Variants in RHOT1 observed in about 807,000 individuals in gnomAD.
RHOT1 encodes mitochondrial Rho GTPase 1.
Under a neutral mutation model 95.3 loss-of-function variants are expected in RHOT1, and 27 were observed. The ratio of observed to expected loss-of-function variants is 0.28; its 90% CI spans 0.21 to 0.39. The LOEUF is 0.39. Ranked by LOEUF, RHOT1 falls within the 10% of genes least tolerant of loss-of-function variation. The pLI is 1.00. For synonymous variants in RHOT1, 227 were observed against 263.5 expected, an observed-to-expected ratio of 0.86 and a Z score of 1.34; for missense variants, 578 against 786.7, an observed-to-expected ratio of 0.73 and a Z score of 3.17.
chr17:32,142,739 C>T lies in RHOT1; in HGVS notation c.37+10C>T. On this transcript the variant is annotated intron_variant, in intron 1 of 19. Coordinates refer to ENST00000545287, the MANE Select transcript of RHOT1 (RefSeq NM_001033566.3). ...CTGCTGGTGGGAGAACGTGAGTCCG[C>T]ACCCTCTGGCCGGCCCCTGAGTCCC... The T allele has an allele frequency of 6.6e-7, 1 of 1,509,124 alleles. No individual in the cohort carries two copies. Among genetic ancestry groups the T allele is most frequent in the Non-Finnish European group, 8.8e-7 (1 of 1,130,440 alleles). The allele number at this position is 1,509,124 out of a possible 1,614,324, so 93.5% of individuals were successfully genotyped here. A position where few individuals can be genotyped will look rare whatever the true frequency, so the allele number is the denominator to read the frequency against.
At chr17:32,170,934 G>A (rs2034524222) in intron 1 of RHOT1, 109 bp from the exon 2 acceptor site, 2 of 613,900 alleles carry the variant, frequency 3.3e-6, no homozygotes, top group Non-Finnish European at 5.8e-6. Context: ...TAATAATTTG[G>A]ATGCCTTAGA....
At chr17:32,202,746 G>GT (rs769514729) in intron 14 of RHOT1, 24 bp from the exon 15 acceptor site, 1 of 1,532,956 alleles carries the variant, frequency 6.5e-7, no homozygotes. Flanking sequence ...ATTTAGTGGG[G>GT]TTTTTTATTA....
At position 32,225,328 on chromosome 17, in the gene RHOT1, C is replaced by T. The variant is rs1218695800; in HGVS notation, c.*595C>T. 1 of 152,604 alleles carries T rather than the reference C, an allele frequency of 6.6e-6. No homozygotes were observed. The highest frequency in any genetic ancestry group is 1.5e-5 in the Non-Finnish European group (1 of 68,046). 9.5% of individuals were successfully genotyped at this position (152,604 alleles called of 1,614,324 possible). A position where few individuals can be genotyped will look rare whatever the true frequency, so the allele number is the denominator to read the frequency against. On this transcript the variant is annotated 3_prime_UTR_variant, in exon 20 of 20. Transcript: ENST00000545287. ...GAAACTTGTGTAGCTGAGTGTGCAG[C>T]TCACCTTTAAGGGTGAAGTTAGGTA...
chr17:32,209,319 G>T, intron 18 of RHOT1: 1 of 1,237,222 alleles, frequency 8.1e-7, no homozygotes, highest in Non-Finnish European at 1.1e-6. Context: ...TTTTACCTTT[G>T]CTTTAAAACT....
In RHOT1 at chr17:32,194,099, G is replaced by A. The variant is rs765489953; in HGVS notation, c.861G>A (p.Leu287=). ...ACCTGGATTTGACACCTGAATATTTGTTCCCCCTGTATGTACCTTTGTTTT... is the reference window on the plus strand; with the variant it reads ...ACCTGGATTTGACACCTGAATATTTATTCCCCCTGTATGTACCTTTGTTTT... The part of the protein sequence containing the change: ...DDDLDLTPEY[L]FPLLKIPPDC... Residue 287 remains leucine (L), a synonymous_variant, in exon 11 of 20, where the codon TTG becomes TTA. Transcript: ENST00000545287. 6.2e-7 allele frequency: 1 copy of A among 1,613,524 alleles called. No individual in the cohort carries two copies. Among genetic ancestry groups the A allele is most frequent in the Admixed American group, 1.7e-5 (1 of 59,934 alleles).
chr17:32,148,716 A>C (rs890890409), intron 1 of RHOT1, among the ~76,000 whole-genome samples: 2 of 152,270 alleles, frequency 1.3e-5, no homozygotes, highest in African/African-American at 4.8e-5. Context: ...AACGCTTCTT[A>C]CTAAAGAAAC....
chr17:32,177,644 A>G (rs1361941043), intron 6 of RHOT1, among the ~76,000 whole-genome samples: 1 of 150,460 alleles, frequency 6.6e-6, no homozygotes, highest in African/African-American at 2.4e-5. Context: ...AGTCCCAGCT[A>G]CTCGGGAGGC....
chr17:32,164,174 ATGAAAGAATGCATTTAACC>A (rs2033834850), intron 1 of RHOT1, among the ~76,000 whole-genome samples: 1 of 152,202 alleles, frequency 6.6e-6, no homozygotes, highest in African/African-American at 2.4e-5. Context: ...TTATCAAAGG[ATGAAAGAATGCATTTAACC>A]TGTCAACTTT....
chr17:32,199,133 C>A, intron 12 of RHOT1, 102 bp downstream of exon 12: 1 of 926,458 alleles, frequency 1.1e-6, no homozygotes, highest in Non-Finnish European at 1.7e-6. Context: ...GTTACATAGC[C>A]AAAAACTGCT....
chr17:32,217,834 T>G (rs1252827900), intron 19 of RHOT1, among the ~76,000 whole-genome samples: 1 of 151,086 alleles, frequency 6.6e-6, no homozygotes, highest in East Asian at 1.9e-4. Context: ...CCAGAAGACT[T>G]TTTTTAATTT....
At chr17:32,165,351 A>C (rs1409714270) in intron 1 of RHOT1, among the ~76,000 whole-genome samples, 18 of 150,352 alleles carry the variant, frequency 1.2e-4, no homozygotes, top group African/African-American at 3.7e-4. Context: ...AAAAAAAAAA[A>C]AAAAAAAAAA....
intron 1 of RHOT1, among the ~76,000 whole-genome samples, chr17:32,154,028 C>T (rs892669180): frequency 4.0e-5 from 6 of 151,684 alleles, no homozygotes; most frequent in African/African-American, 9.7e-5. Context: ...AGGGGACAGG[C>T]GTGGTGGCTC....
intron 10 of RHOT1, 123 bp from the exon 11 acceptor site, chr17:32,193,863 GT>G: frequency 8.0e-7 from 1 of 1,245,736 alleles, no homozygotes; most frequent in Non-Finnish European, 1.1e-6. Flanking sequence ...ATTTTGTTTT[GT>G]TTTGAGCTTT....
intron 18 of RHOT1, chr17:32,209,134 C>T: frequency 3.5e-6 from 1 of 289,434 alleles, no homozygotes; most frequent in African/African-American, 2.2e-5. Flanking sequence ...TGCTATAAAC[C>T]AAGAATGACA....
chr17:32,149,366 A>G (rs2031863896), intron 1 of RHOT1, among the ~76,000 whole-genome samples: 2 of 151,022 alleles, frequency 1.3e-5, no homozygotes, highest in South Asian at 2.1e-4. Context: ...TTGTTTCCTC[A>G]TAAACAATCT....
chr17:32,142,674 GC>G lies in RHOT1; in HGVS notation c.-14del. The G allele has an allele frequency of 7.9e-6, 12 of 1,526,992 alleles. No homozygotes were observed. The highest frequency in any genetic ancestry group is 2.1e-5 in the Admixed American group (1 of 48,282). 94.6% of individuals were successfully genotyped at this position (1,526,992 alleles called of 1,614,324 possible). On this transcript the variant is annotated 5_prime_UTR_variant, in exon 1 of 20. Transcript: ENST00000545287. ...ACTCCGTGCGTGCGGGCGGAGGCCGGCCCCCGAGAGCCGCCGACATGAAGAA... is the reference window on the plus strand; with the variant it reads ...ACTCCGTGCGTGCGGGCGGAGGCCGGCCCCGAGAGCCGCCGACATGAAGAA...
intron 16 of RHOT1, 102 bp downstream of exon 16, chr17:32,204,075 C>A: frequency 1.3e-6 from 1 of 757,240 alleles, no homozygotes; most frequent in Non-Finnish European, 2.1e-6. Flanking sequence ...CTCTGTAGAA[C>A]TTCTGTGTGA....
rs73286176 is a variant in RHOT1, at chr17:32,192,428, A to T, written c.639+129A>T. 3.5e-3 allele frequency: 2,262 copies of T among 637,574 alleles called. 41 individuals are homozygous for T. The African/African-American group carries it at 0.038, about 11-fold the overall frequency. The allele number at this position is 637,574 out of a possible 1,614,324, so 39.5% of individuals were successfully genotyped here. A position where few individuals can be genotyped will look rare whatever the true frequency, so the allele number is the denominator to read the frequency against. Reference sequence around the variant, plus strand: ...TAAACATAAGTTTCTTTCTCATAAAACTATCTTTCACATCAACCTATATAT... The same window carrying T: ...TAAACATAAGTTTCTTTCTCATAAATCTATCTTTCACATCAACCTATATAT... On this transcript the variant is annotated intron_variant, in intron 9 of 19. Transcript: ENST00000545287.
chr17:32,167,611 C>A (rs1598333899), intron 1 of RHOT1, among the ~76,000 whole-genome samples: 1 of 152,190 alleles, frequency 6.6e-6, no homozygotes, highest in African/African-American at 2.4e-5. Context: ...GGCAAATGAC[C>A]ACTGGCTTCC....
Sources: allele counts gnomAD v4.1 joint callset (sites outside exome capture counted in the v4.1 genomes callset), GRCh38; gene constraint gnomAD v4.1.1; transcripts MANE v1.5; gene names NCBI Gene and HGNC (gene_info 2026-07-23, HGNC 2026-07-21).